Variants in TK2 observed in about 807,000 individuals in gnomAD.
The protein encoded by TK2 is thymidine kinase 2, mitochondrial.
Under a neutral mutation model 41.9 loss-of-function variants are expected in TK2, and 35 were observed. That is an observed-to-expected ratio of 0.84 (90% CI 0.64 to 1.11). TK2 has a LOEUF of 1.11. Ranked by LOEUF, TK2 falls within the 50% of genes least tolerant of loss-of-function variation. The pLI is 0.00. For missense variants in TK2, 320 were observed against 351.1 expected (o/e 0.91, Z 0.71); for synonymous variants, 128 against 129.1 (o/e 0.99, Z 0.06).
At chr16:66,542,177 A>G (rs1043214806) in intron 2 of TK2, among the ~76,000 whole-genome samples, 7 of 152,126 alleles carry the variant, frequency 4.6e-5, no homozygotes, top group African/African-American at 1.4e-4. Flanking sequence ...GTCCCCCCAG[A>G]CCAGATCCTC....
At chr16:66,541,598 G>T (rs1309218726) in intron 3 of TK2, among the ~76,000 whole-genome samples, 1 of 152,012 alleles carries the variant, frequency 6.6e-6, no homozygotes, top group Non-Finnish European at 1.5e-5. Flanking sequence ...GCATATTTTT[G>T]TAGAGATGGG....
In TK2 at chr16:66,549,996, G is replaced by A. The variant is rs1356038519; in HGVS notation, c.66C>T (p.Arg22=). ...GCCCGGGGCCTGAGGCCGGGCTCCCGCGACTTCCCGGCCCAAAGCAGCGCA... is the reference window on the plus strand; with the variant it reads ...GCCCGGGGCCTGAGGCCGGGCTCCCACGACTTCCCGGCCCAAAGCAGCGCA... ...RALRCFGPGS[R]GSPASGPGPR... Residue 22 remains arginine, a synonymous_variant, in exon 1 of 10, where the codon CGC becomes CGT. Coordinates refer to ENST00000544898, the MANE Select transcript of TK2 (RefSeq NM_004614.5). 4 of 1,521,586 alleles carry A rather than the reference G, an allele frequency of 2.6e-6. No individual in the cohort carries two copies. Among genetic ancestry groups the A allele is most frequent in the Non-Finnish European group, 2.6e-6 (3 of 1,139,432 alleles). The allele number at this position is 1,521,586 out of a possible 1,614,324, so 94.3% of individuals were successfully genotyped here. A position where few individuals can be genotyped will look rare whatever the true frequency, so the allele number is the denominator to read the frequency against.
chr16:66,511,581 T>C lies in TK2; in HGVS notation c.*387A>G, dbSNP rs1160918580. The C allele has an allele frequency of 2.9e-6, 1 of 342,518 alleles. No individual in the cohort carries two copies. The highest frequency in any genetic ancestry group is 2.1e-5 in the African/African-American group (1 of 46,784). 21.2% of individuals were successfully genotyped at this position (342,518 alleles called of 1,614,324 possible). ...CTTTCTGAGCTTCAAATTCCTCACCTGGGATATAAGACTCCTACCTCGGCC... is the reference window on the plus strand; with the variant it reads ...CTTTCTGAGCTTCAAATTCCTCACCCGGGATATAAGACTCCTACCTCGGCC... On this transcript the variant is annotated 3_prime_UTR_variant, in exon 10 of 10. Transcript: ENST00000544898.
chr16:66,548,969 G>A lies in TK2; in HGVS notation c.156+9C>T, dbSNP rs747956083. On this transcript the variant is annotated intron_variant, in intron 2 of 9. Coordinates refer to ENST00000544898, the MANE Select transcript of TK2 (RefSeq NM_004614.5). The stretch of plus-strand genomic sequence containing the variant: ...TATCCTAGAGAGTACACATAAAAGA[G>A]GGACTTACCACTGATTTTTTCTCTT... 1 of 1,611,896 alleles carries A rather than the reference G, an allele frequency of 6.2e-7. No homozygotes were observed. The highest frequency in any genetic ancestry group is 8.5e-7 in the Non-Finnish European group (1 of 1,178,128).
chr16:66,524,671 A>C (rs952143250), intron 6 of TK2, among the ~76,000 whole-genome samples: 1 of 152,126 alleles, frequency 6.6e-6, no homozygotes, highest in Non-Finnish European at 1.5e-5. Flanking sequence ...TATTCCTCAA[A>C]GTGTGATCCC....
At chr16:66,535,989 G>A (rs1484647098) in intron 4 of TK2, among the ~76,000 whole-genome samples, 1 of 152,020 alleles carries the variant, frequency 6.6e-6, no homozygotes, top group Non-Finnish European at 1.5e-5. Flanking sequence ...TGGCTCATGA[G>A]GGTCAGGAGA....
At chr16:66,515,908 C>T (rs1343882288) in intron 8 of TK2, among the ~76,000 whole-genome samples, 1 of 152,200 alleles carries the variant, frequency 6.6e-6, no homozygotes, top group African/African-American at 2.4e-5. Context: ...TCCCAGGGCC[C>T]CCAGTCCAGC....
chr16:66,513,631 TA>T, intron 9 of TK2, 99 bp downstream of exon 9: 2 of 1,085,208 alleles, frequency 1.8e-6, no homozygotes, highest in South Asian at 1.3e-5. Context: ...TGTCAAACTC[TA>T]AAGGACTGTG....
At chr16:66,513,886 G>A in intron 8 of TK2, 75 bp from the exon 9 acceptor site, 3 of 1,319,056 alleles carry the variant, frequency 2.3e-6, no homozygotes, top group Non-Finnish European at 3.3e-6. Flanking sequence ...CAAGCAGAGG[G>A]GGTCAAAGTA....
rs1314932375 is a variant in TK2 at position 66,514,317 on chromosome 16, C to T, written c.619-506G>A. Among the ~76,000 whole-genome samples, 2 of 152,204 alleles carry T rather than the reference C, an allele frequency of 1.3e-5. No individual in the cohort carries two copies. The highest frequency in any genetic ancestry group is 2.9e-5 in the Non-Finnish European group (2 of 68,044). On this transcript the variant is annotated intron_variant, in intron 8 of 9. Transcript: ENST00000544898. The surrounding 1 kb of genome is among the most constrained non-coding windows in gnomAD (Gnocchi z 4.2). ...GTATTTTTTGGTGGAGACGGGGTTT[C>T]GCTGTGTTGGCCGGGCTGGTCTCCA...
At chr16:66,548,784 T>G (rs1458187357) in intron 2 of TK2, 194 bp downstream of exon 2, 1 of 616,222 alleles carries the variant, frequency 1.6e-6, no homozygotes, top group Non-Finnish European at 2.9e-6. Context: ...CTGTGCAGAC[T>G]CTGGGGAAAG....
chr16:66,529,148 C>T lies in TK2; in HGVS notation c.376-81G>A. The T allele has an allele frequency of 3.0e-6, 4 of 1,340,010 alleles. No individual in the cohort carries two copies. The Admixed American group carries it at 6.7e-5, about 22-fold the overall frequency. 83.0% of individuals were successfully genotyped at this position (1,340,010 alleles called of 1,614,324 possible). A position where few individuals can be genotyped will look rare whatever the true frequency, so the allele number is the denominator to read the frequency against. On this transcript the variant is annotated intron_variant, in intron 5 of 9. Transcript: ENST00000544898. The stretch of plus-strand genomic sequence containing the variant: ...GGCCTTGAGAAATGTCTGTTACTCC[C>T]CCTGCCTGGGGACTTTGCTGAATAT...
In TK2 at chr16:66,508,853, G is replaced by C. The variant is rs760909026; in HGVS notation, c.*3115C>G. ...TGTTTCCAGAGGTCCACATTCACTC[G>C]TTTGTAAATTCGGTCACTCATGTTA... On this transcript the variant is annotated 3_prime_UTR_variant, in exon 10 of 10. Transcript: ENST00000544898. 6.6e-6 allele frequency: 1 copy of C among 152,270 alleles called. No individual in the cohort carries two copies. Among genetic ancestry groups the C allele is most frequent in the Non-Finnish European group, 1.5e-5 (1 of 68,062 alleles). The allele number at this position is 152,270 out of a possible 1,614,324, so 9.4% of individuals were successfully genotyped here. A position where few individuals can be genotyped will look rare whatever the true frequency, so the allele number is the denominator to read the frequency against.
chr16:66,520,489 C>T (rs1007741052), intron 6 of TK2, among the ~76,000 whole-genome samples: 1 of 152,182 alleles, frequency 6.6e-6, no homozygotes, highest in Non-Finnish European at 1.5e-5. Flanking sequence ...AGGGCCTCCC[C>T]CAGCCAGGGG....
At chr16:66,525,128 C>G (rs933041458) in intron 6 of TK2, among the ~76,000 whole-genome samples, 1 of 152,190 alleles carries the variant, frequency 6.6e-6, no homozygotes, top group African/African-American at 2.4e-5. Context: ...TGTTCCTTAA[C>G]CATGAGAGCA....
intron 6 of TK2, among the ~76,000 whole-genome samples, chr16:66,519,404 C>G (rs936492623): frequency 1.3e-5 from 2 of 152,188 alleles, no homozygotes; most frequent in Non-Finnish European, 2.9e-5. Flanking sequence ...GTCTCGAACT[C>G]CTGACCTCAA....
chr16:66,550,110 G>T lies in TK2; in HGVS notation c.-49C>A. Reference sequence around the variant, plus strand: ...CCCGGGGTTCCTTCTTGTGCGAGTCGGCGCGGACGACTGCTAGTCCAGCCG... The same window carrying T: ...CCCGGGGTTCCTTCTTGTGCGAGTCTGCGCGGACGACTGCTAGTCCAGCCG... On this transcript the variant is annotated 5_prime_UTR_variant, in exon 1 of 10. Transcript: ENST00000544898. 3.7e-6 allele frequency: 6 copies of T among 1,610,030 alleles called. No homozygotes were observed. Among genetic ancestry groups the T allele is most frequent in the Non-Finnish European group, 5.1e-6 (6 of 1,179,078 alleles).
chr16:66,550,268 G>A (rs2144499772), upstream of TK2: 1 of 1,592,588 alleles, frequency 6.3e-7, no homozygotes. Flanking sequence ...CTAGGACGCT[G>A]GCAGAACGCA....
At chr16:66,548,027 G>T in intron 2 of TK2, 1 of 1,173,556 alleles carries the variant, frequency 8.5e-7, no homozygotes, top group Non-Finnish European at 1.1e-6. Context: ...GAGCCCAGGA[G>T]TTGGAGGCCA....
Sources: allele counts gnomAD v4.1 joint callset (sites outside exome capture counted in the v4.1 genomes callset), GRCh38; gene constraint gnomAD v4.1.1; non-coding constraint Gnocchi (gnomAD v3.1); transcripts MANE v1.5; gene names NCBI Gene and HGNC (gene_info 2026-07-23, HGNC 2026-07-21).